The following ABCB11 variants were observed in gnomAD, a reference collection of about 807,000 sequenced individuals.
ABCB11 encodes the protein bile salt export pump.
ABCB11 carries 95 observed loss-of-function variants against 148.0 expected under a neutral mutation model. The observed-to-expected ratio is 0.64, with a 90% confidence interval of 0.54 to 0.76. The LOEUF (loss-of-function observed/expected upper bound fraction) is 0.76, where lower values mean the gene tolerates loss of function less well. Ranked by LOEUF, ABCB11 falls within the 30% of genes least tolerant of loss-of-function variation. The probability of loss-of-function intolerance (pLI) is 0.00; values close to 1 mark genes in which losing one functional copy is unlikely to be tolerated. For missense variants in ABCB11, 1,523 were observed against 1,617.8 expected (o/e 0.94, Z 1.01); for synonymous variants, 591 against 555.4 (o/e 1.06, Z -0.90).
At chr2:168,928,481 A>G (rs1327137298) in intron 25 of ABCB11, among the ~76,000 whole-genome samples, 1 of 152,166 alleles carries the variant, frequency 6.6e-6, no homozygotes, top group Non-Finnish European at 1.5e-5. Flanking sequence ...AAAAACATAA[A>G]AAGTGGTAGG....
intron 26 of ABCB11, among the ~76,000 whole-genome samples, chr2:168,925,572 C>T (rs575623771): frequency 4.6e-5 from 7 of 152,228 alleles, no homozygotes; most frequent in East Asian, 1.9e-4. Flanking sequence ...GAAAATGGTG[C>T]GAGGACAAGT....
chr2:168,951,089 T>C (rs1692546672), intron 19 of ABCB11, among the ~76,000 whole-genome samples: 1 of 151,714 alleles, frequency 6.6e-6, no homozygotes, highest in African/African-American at 2.4e-5. Context: ...TGGTTTTAGG[T>C]ATGTGGCTTT....
In ABCB11 at chr2:168,978,132, CTTTTTTTTTTT is replaced by C. The variant is rs35964117; in HGVS notation, c.1198-1456_1198-1446del. Among the ~76,000 whole-genome samples the C allele has an allele frequency of 4.3e-4, 23 of 53,128 alleles. 1 individual carries two copies. The highest frequency in any genetic ancestry group is 1.2e-3 in the South Asian group (2 of 1,668). The allele number at this position is 53,128 out of a possible 152,430, so 34.9% of individuals were successfully genotyped here. On this transcript the variant is annotated intron_variant, in intron 11 of 27. Coordinates refer to ENST00000650372, the MANE Select transcript of ABCB11 (RefSeq NM_003742.4). ...AAGAGGTAGAATTTGAATAAATTGACTTTTTTTTTTTTTTTTTTTTTTTTTTTTTCAGAGAC... is the reference window on the plus strand; with the variant it reads ...AAGAGGTAGAATTTGAATAAATTGACTTTTTTTTTTTTTTTTTTCAGAGAC...
intron 21 of ABCB11, among the ~76,000 whole-genome samples, chr2:168,940,195 G>T (rs1360877528): frequency 6.6e-6 from 1 of 152,020 alleles, no homozygotes; most frequent in East Asian, 1.9e-4. Context: ...AGTGAGGAAG[G>T]TGTGTTGAAG....
chr2:168,921,141 G>A lies in ABCB11; in HGVS notation c.*2481C>T, dbSNP rs903835199. ...GGCATCTTTACTCTGCAACTTACTCGTCATTGCCATTTTTCATAACCAGAA... is the reference window on the plus strand; with the variant it reads ...GGCATCTTTACTCTGCAACTTACTCATCATTGCCATTTTTCATAACCAGAA... On this transcript the variant is annotated 3_prime_UTR_variant, in exon 28 of 28. Transcript: ENST00000650372. 7.9e-5 allele frequency among the ~76,000 whole-genome samples: 12 copies of A among 152,174 alleles called. No homozygotes were observed. Among genetic ancestry groups the A allele is most frequent in the African/African-American group, 2.6e-4 (11 of 41,516 alleles).
At chr2:168,970,892 A>C (rs9287907) in intron 14 of ABCB11, among the ~76,000 whole-genome samples, 4 of 151,818 alleles carry the variant, frequency 2.6e-5, no homozygotes, top group Admixed American at 6.6e-5. Context: ...ACTGGGCCCA[A>C]AGTAACTTGA....
intron 19 of ABCB11, among the ~76,000 whole-genome samples, chr2:168,954,227 T>TA (rs1692688093): frequency 6.2e-5 from 2 of 32,504 alleles, no homozygotes; most frequent in Non-Finnish European, 1.4e-4. Flanking sequence ...TCTTTTTCTG[T>TA]TTTTTTTGTC....
chr2:168,924,725 T>C lies in ABCB11; in HGVS notation c.3697A>G (p.Ile1233Val). The C allele has an allele frequency of 1.2e-6, 2 of 1,613,860 alleles. No homozygotes were observed. Among genetic ancestry groups the C allele is most frequent in the Middle Eastern group, 1.6e-4 (1 of 6,062 alleles). Reference protein sequence around the residue: ...EKQRIAIARAIVRDPKILLLD... With the variant: ...EKQRIAIARAVVRDPKILLLD... ...AGCAAGATTTTAGGATCTCGTACAA[T>C]GGCCCGAGCAATAGCAATGCGTTGT... Residue 1233 changes from isoleucine (I) to valine (V), a missense_variant, in exon 27 of 28, where the codon ATT (isoleucine) becomes GTT (valine). Coordinates refer to ENST00000650372, the MANE Select transcript of ABCB11 (RefSeq NM_003742.4).
chr2:168,956,951 G>T (rs1692824147), intron 19 of ABCB11, among the ~76,000 whole-genome samples: 1 of 151,622 alleles, frequency 6.6e-6, no homozygotes, highest in African/African-American at 2.4e-5. Context: ...CCCCAACTGG[G>T]TAAGCTGCCT....
intron 10 of ABCB11, among the ~76,000 whole-genome samples, chr2:168,981,624 G>A (rs1023550173): frequency 1.3e-5 from 2 of 152,124 alleles, no homozygotes; most frequent in Admixed American, 6.6e-5. Flanking sequence ...GAAGCAGATA[G>A]AACACTTCTT....
intron 19 of ABCB11, among the ~76,000 whole-genome samples, chr2:168,953,858 G>T (rs1036497001): frequency 6.6e-6 from 1 of 151,610 alleles, no homozygotes; most frequent in Non-Finnish European, 1.5e-5. Flanking sequence ...AAGCTCAAAA[G>T]AATGTAACCA....
At chr2:168,980,967 T>C (rs1447557310) in intron 10 of ABCB11, among the ~76,000 whole-genome samples, 2 of 152,164 alleles carry the variant, frequency 1.3e-5, no homozygotes, top group African/African-American at 4.8e-5. Context: ...ATGGTCCTAC[T>C]CTTGTGACTC....
intron 5 of ABCB11, among the ~76,000 whole-genome samples, chr2:168,998,307 G>A (rs745882784): frequency 6.6e-6 from 1 of 151,960 alleles, no homozygotes; most frequent in African/African-American, 2.4e-5. Context: ...AGCAGTGGAG[G>A]GGGAGGGATG....
At chr2:168,956,362 G>A (rs933010879) in intron 19 of ABCB11, among the ~76,000 whole-genome samples, 3 of 151,678 alleles carry the variant, frequency 2.0e-5, no homozygotes, top group African/African-American at 4.8e-5. Flanking sequence ...ACTTGTTGTG[G>A]TCCTTTGGTG....
At chr2:168,969,280 A>G in intron 16 of ABCB11, 70 bp downstream of exon 16, 2 of 1,403,320 alleles carry the variant, frequency 1.4e-6, no homozygotes, top group Non-Finnish European at 2.0e-6. Context: ...TGAAATACAT[A>G]GAAAACCGTA....
intron 19 of ABCB11, among the ~76,000 whole-genome samples, chr2:168,947,334 C>T (rs1043205695): frequency 7.3e-6 from 1 of 136,774 alleles, no homozygotes; most frequent in Non-Finnish European, 1.6e-5. Flanking sequence ...CCAGAGCTGG[C>T]GACTCTCACA....
chr2:169,029,156 C>A (rs1695786842), intron 1 of ABCB11, among the ~76,000 whole-genome samples: 1 of 152,038 alleles, frequency 6.6e-6, no homozygotes, highest in Non-Finnish European at 1.5e-5. Context: ...TCTGTAAAGA[C>A]TTTCAAGACC....
At chr2:168,952,800 T>C (rs1692629243) in intron 19 of ABCB11, among the ~76,000 whole-genome samples, 2 of 151,392 alleles carry the variant, frequency 1.3e-5, no homozygotes, top group South Asian at 2.1e-4. Context: ...CAATGATAGA[T>C]TGTTAATTTG....
intron 18 of ABCB11, 142 bp from the exon 19 acceptor site, chr2:168,958,270 T>C (rs1382035999): frequency 4.0e-6 from 3 of 744,046 alleles, no homozygotes; most frequent in Non-Finnish European, 4.2e-6. Context: ...TGGTTGTTTG[T>C]TATTTTTTGA....
Sources: allele counts gnomAD v4.1 joint callset (sites outside exome capture counted in the v4.1 genomes callset), GRCh38; gene constraint gnomAD v4.1.1; transcripts MANE v1.5; gene names NCBI Gene and HGNC (gene_info 2026-07-23, HGNC 2026-07-21).